IQCB1: variants seen among roughly 807,000 people sequenced by gnomAD.
IQCB1 encodes the protein IQ motif containing B1, also known as IQ calmodulin-binding motif-containing protein 1.
A neutral mutation model predicts 84.4 loss-of-function variants in IQCB1; 56 were observed. The ratio of observed to expected loss-of-function variants is 0.66; its 90% CI spans 0.54 to 0.83. The LOEUF (loss-of-function observed/expected upper bound fraction) is 0.83. Among genes scored for constraint, IQCB1 ranks in the 40% least tolerant of loss-of-function variants. IQCB1 has a pLI of 0.00. For synonymous variants in IQCB1, 210 were observed against 234.8 expected (o/e 0.89, Z 0.96); for missense variants, 629 against 682.1 (o/e 0.92, Z 0.87).
At chr3:121,822,951 C>T (rs1470583697) in intron 5 of IQCB1, among the ~76,000 whole-genome samples, 1 of 151,980 alleles carries the variant, frequency 6.6e-6, no homozygotes, top group African/African-American at 2.4e-5. Context: ...TAATTTGACC[C>T]AGAGAAAAAA....
intron 13 of IQCB1, among the ~76,000 whole-genome samples, chr3:121,776,053 T>TC (rs1948212367): frequency 6.6e-6 from 1 of 151,920 alleles, no homozygotes. Context: ...CGTTTTTTTT[T>TC]CTTTTTCTTT....
At chr3:121,803,237 G>A (rs182343035) in intron 7 of IQCB1, among the ~76,000 whole-genome samples, 141 of 152,130 alleles carry the variant, frequency 9.3e-4, no homozygotes, top group African/African-American at 3.2e-3. Flanking sequence ...TGTACTTTTT[G>A]TAGAGATGGG....
intron 10 of IQCB1, among the ~76,000 whole-genome samples, chr3:121,795,141 G>A (rs1386974671): frequency 6.6e-6 from 1 of 151,954 alleles, no homozygotes; most frequent in African/African-American, 2.4e-5. Flanking sequence ...TTATACACAC[G>A]AAATTATGAT....
chr3:121,787,615 G>A (rs915235300), intron 12 of IQCB1, among the ~76,000 whole-genome samples: 14 of 152,064 alleles, frequency 9.2e-5, no homozygotes, highest in African/African-American at 1.9e-4. Flanking sequence ...GATGGGTGTG[G>A]TGGTGCATGC....
chr3:121,795,935 G>C (rs1014105551), intron 9 of IQCB1, among the ~76,000 whole-genome samples: 1 of 152,058 alleles, frequency 6.6e-6, no homozygotes, highest in Non-Finnish European at 1.5e-5. Flanking sequence ...GACCATTGTG[G>C]ATGGTTGCTC....
At chr3:121,788,543 T>C (rs1948829553) in intron 11 of IQCB1, 111 bp from the exon 12 acceptor site, 2 of 1,081,358 alleles carry the variant, frequency 1.8e-6, no homozygotes, top group Admixed American at 1.8e-5. Flanking sequence ...TTTGTCAATA[T>C]TGTTCACTAA....
chr3:121,797,165 GCTGT>G lies in IQCB1; in HGVS notation c.825_828del (p.Arg275SerfsTer6), dbSNP rs1474058708. 1.2e-5 allele frequency: 20 copies of G among 1,610,520 alleles called. 1 individual carries two copies. Among genetic ancestry groups the G allele is most frequent in the South Asian group, 3.3e-5 (3 of 90,978 alleles). ...ACCATTGGGCTTAAAAGGCCAACAAGCTGTCTAAGTTCTTGACTGAATTCAGTCC... is the reference window on the plus strand; with the variant it reads ...ACCATTGGGCTTAAAAGGCCAACAAGCTAAGTTCTTGACTGAATTCAGTCC... On this transcript the variant is annotated frameshift_variant, in exon 9 of 15. Coordinates refer to ENST00000310864, the MANE Select transcript of IQCB1 (RefSeq NM_001023570.4). LOFTEE classifies it high-confidence loss of function.
At chr3:121,799,162 A>G (rs1353650632) in intron 8 of IQCB1, 34 bp downstream of exon 8, 1 of 1,546,702 alleles carries the variant, frequency 6.5e-7, no homozygotes, top group South Asian at 1.1e-5. Context: ...TTTCTTTTTG[A>G]GAATCCCAAG....
At chr3:121,782,341 A>C (rs1948534270) in intron 12 of IQCB1, among the ~76,000 whole-genome samples, 1 of 152,254 alleles carries the variant, frequency 6.6e-6, no homozygotes. Flanking sequence ...TGTAATAGGC[A>C]TTATATGGGA....
intron 5 of IQCB1, among the ~76,000 whole-genome samples, chr3:121,815,414 A>G (rs1034431668): frequency 6.6e-6 from 1 of 152,222 alleles, no homozygotes; most frequent in Non-Finnish European, 1.5e-5. Flanking sequence ...TGGCCAGGGC[A>G]ATCAGGCAGG....
chr3:121,819,589 T>C (rs1302410922), intron 5 of IQCB1, among the ~76,000 whole-genome samples: 1 of 152,182 alleles, frequency 6.6e-6, no homozygotes. Flanking sequence ...ATTTTTAATA[T>C]CTTATACCCA....
rs551269621 is a variant in IQCB1, at chr3:121,770,011, T to C, written c.*334A>G. ...CTGACAAATTTTTCAAATCAATTGT[T>C]GAAAATATTTATTTAGAAAAAAATA... On this transcript the variant is annotated 3_prime_UTR_variant, in exon 15 of 15. Transcript: ENST00000310864. 5 of 195,518 alleles carry C rather than the reference T, an allele frequency of 2.6e-5. No homozygotes were observed. In the East Asian group the frequency reaches 6.1e-4, roughly 24 times the overall value. The allele number at this position is 195,518 out of a possible 1,614,324, so 12.1% of individuals were successfully genotyped here.
At chr3:121,773,176 T>C (rs373193911) in intron 13 of IQCB1, among the ~76,000 whole-genome samples, 1 of 151,972 alleles carries the variant, frequency 6.6e-6, no homozygotes, top group Non-Finnish European at 1.5e-5. Context: ...TAGCCAGGCA[T>C]GATGGTGGGT....
chr3:121,779,425 T>C (rs1948381909), intron 13 of IQCB1, among the ~76,000 whole-genome samples: 1 of 152,228 alleles, frequency 6.6e-6, no homozygotes, highest in African/African-American at 2.4e-5. Flanking sequence ...CTGCTATTAT[T>C]TTGATCAAGT....
At chr3:121,828,805 A>G in intron 3 of IQCB1, 56 bp downstream of exon 3, 1 of 1,159,332 alleles carries the variant, frequency 8.6e-7, no homozygotes, top group East Asian at 2.3e-5. Context: ...AATTGTACCA[A>G]CGATGGAACC....
chr3:121,777,143 A>T (rs371260556), intron 13 of IQCB1, among the ~76,000 whole-genome samples: 1 of 152,192 alleles, frequency 6.6e-6, no homozygotes, highest in South Asian at 2.1e-4. Context: ...TTTGAGTTAC[A>T]TTTTGCATAT....
At chr3:121,814,408 A>G (rs1158976079) in intron 5 of IQCB1, among the ~76,000 whole-genome samples, 1 of 152,192 alleles carries the variant, frequency 6.6e-6, no homozygotes. Context: ...GACAAGAAAT[A>G]ACTAAGATTA....
At chr3:121,823,491 CAAG>C (rs1210711536) in intron 5 of IQCB1, among the ~76,000 whole-genome samples, 2 of 151,762 alleles carry the variant, frequency 1.3e-5, no homozygotes, top group African/African-American at 4.8e-5. Flanking sequence ...AGGAGAATGA[CAAG>C]AAGAATGAAG....
chr3:121,794,468 A>C (rs532090461), intron 10 of IQCB1, among the ~76,000 whole-genome samples: 1 of 152,274 alleles, frequency 6.6e-6, no homozygotes, highest in South Asian at 2.1e-4. Flanking sequence ...AAGCTGCTCA[A>C]GTGAGATACA....
Sources: gnomAD v4.1 joint callset for allele counts (sites outside exome capture counted in the v4.1 genomes callset) on GRCh38, gnomAD v4.1.1 for gene constraint, MANE v1.5 for transcripts, NCBI Gene and HGNC (gene_info 2026-07-23, HGNC 2026-07-21) for gene names.